The following SHANK2 variants were observed in gnomAD, a reference collection of about 807,000 sequenced individuals.
SHANK2 encodes SH3 and multiple ankyrin repeat domains 2.
SHANK2 carries 43 observed loss-of-function variants against 133.7 expected under a neutral mutation model. The ratio of observed to expected loss-of-function variants is 0.32; its 90% CI spans 0.25 to 0.41. SHANK2 has a LOEUF of 0.41. SHANK2 is among the 10% of genes least tolerant of loss of function. The pLI is 1.00. For missense variants in SHANK2, 1,994 were observed against 2,235.8 expected (o/e 0.89, Z 2.18); for synonymous variants, 1,017 against 952.8 (o/e 1.07, Z -1.24).
intron 8 of SHANK2, among the ~76,000 whole-genome samples, chr11:71,090,625 C>CTGTGTGTGTGTGTGTGTG (rs782587800): frequency 9.7e-6 from 1 of 102,896 alleles, no homozygotes; most frequent in Non-Finnish European, 2.1e-5. Flanking sequence ...AACACAACCT[C>CTGTGTGTGTGTGTGTGTG]TGTGTGTGTG....
chr11:70,539,711 C>T (rs1286466707), intron 17 of SHANK2, among the ~76,000 whole-genome samples: 8 of 152,308 alleles, frequency 5.3e-5, no homozygotes, highest in African/African-American at 1.7e-4. Flanking sequence ...ACCCTCTCCT[C>T]GTTCAGCTGG....
At chr11:71,221,424 G>A (rs1356119319) in intron 2 of SHANK2, among the ~76,000 whole-genome samples, 1 of 152,132 alleles carries the variant, frequency 6.6e-6, no homozygotes, top group Non-Finnish European at 1.5e-5. Flanking sequence ...CCTCACCCCA[G>A]TCCTTCCCTG....
chr11:70,587,428 G>A (rs766887015), intron 17 of SHANK2, among the ~76,000 whole-genome samples: 12 of 152,124 alleles, frequency 7.9e-5, no homozygotes, highest in Non-Finnish European at 1.3e-4. Flanking sequence ...GAGAGTCAGG[G>A]AAAAACGAAA....
At chr11:70,831,811 C>T (rs1948730544) in intron 11 of SHANK2, among the ~76,000 whole-genome samples, 1 of 152,270 alleles carries the variant, frequency 6.6e-6, no homozygotes, top group Admixed American at 6.5e-5. Flanking sequence ...AGACGCCCGC[C>T]TCCACTTGCT....
chr11:70,548,802 T>C (rs1166259400), intron 17 of SHANK2, among the ~76,000 whole-genome samples: 1 of 152,168 alleles, frequency 6.6e-6, no homozygotes, highest in African/African-American at 2.4e-5. Flanking sequence ...CTGGGGTACA[T>C]CCTAATCCAG....
At chr11:70,597,064 G>A (rs2060411691) in intron 17 of SHANK2, among the ~76,000 whole-genome samples, 1 of 152,114 alleles carries the variant, frequency 6.6e-6, no homozygotes, top group African/African-American at 2.4e-5. Flanking sequence ...TATGAACAAA[G>A]CTGAATAATT....
intron 5 of SHANK2, among the ~76,000 whole-genome samples, chr11:71,112,954 G>A (rs73521162): frequency 0.021 from 3,253 of 152,226 alleles, 120 homozygotes; most frequent in African/African-American, 0.075. Context: ...ACACTAATAC[G>A]GGGCTCACTG....
intron 25 of SHANK2, among the ~76,000 whole-genome samples, chr11:70,476,207 G>A (rs1232817159): frequency 6.6e-6 from 1 of 152,116 alleles, no homozygotes; most frequent in South Asian, 2.1e-4. Flanking sequence ...CAGCCTGGGC[G>A]ACTGAGCTAG....
chr11:70,556,277 G>C (rs1016922465), intron 17 of SHANK2, among the ~76,000 whole-genome samples: 1 of 152,048 alleles, frequency 6.6e-6, no homozygotes, highest in African/African-American at 2.4e-5. Context: ...CAGTTTGTTT[G>C]ACCACTCACC....
chr11:70,876,516 C>T (rs138310616), intron 11 of SHANK2, among the ~76,000 whole-genome samples: 7,700 of 151,080 alleles, frequency 0.051, 643 homozygotes, highest in African/African-American at 0.18. Context: ...GCCAAGGTCA[C>T]GCCACTGCAC....
intron 2 of SHANK2, among the ~76,000 whole-genome samples, chr11:71,177,495 A>C (rs117444198): frequency 6.6e-6 from 1 of 152,346 alleles, no homozygotes; most frequent in Non-Finnish European, 1.5e-5. Context: ...TATGCTATGA[A>C]CCCTAAGCCA....
intron 2 of SHANK2, among the ~76,000 whole-genome samples, chr11:71,158,298 T>C (rs1565485792): frequency 6.6e-6 from 1 of 152,088 alleles, no homozygotes; most frequent in Admixed American, 6.5e-5. Flanking sequence ...ATACAAAAGT[T>C]AAGTGAATTG....
At chr11:71,155,268 A>T (rs1488779927) in intron 2 of SHANK2, among the ~76,000 whole-genome samples, 1 of 48,762 alleles carries the variant, frequency 2.1e-5, no homozygotes, top group Non-Finnish European at 3.9e-5. Context: ...GACCTACCCC[A>T]GCCCACGCTC....
At chr11:70,837,989 A>AAG in intron 11 of SHANK2, among the ~76,000 whole-genome samples, 1 of 150,646 alleles carries the variant, frequency 6.6e-6, no homozygotes, top group African/African-American at 2.4e-5. Context: ...AAAAAAAAAA[A>AAG]AAAAAAAAAA....
At chr11:70,501,785 G>T in intron 20 of SHANK2, 138 bp downstream of exon 20, 1 of 849,728 alleles carries the variant, frequency 1.2e-6, no homozygotes, top group Non-Finnish European at 1.9e-6. Flanking sequence ...ACAGATCCCC[G>T]GAGGATGGAG....
chr11:70,895,229 G>A (rs1949915333), intron 11 of SHANK2, among the ~76,000 whole-genome samples: 1 of 152,212 alleles, frequency 6.6e-6, no homozygotes, highest in African/African-American at 2.4e-5. Context: ...GTAGGTACCG[G>A]CCGTGGTTGA....
At chr11:70,532,812 G>A (rs1380318263) in intron 17 of SHANK2, among the ~76,000 whole-genome samples, 1 of 152,152 alleles carries the variant, frequency 6.6e-6, no homozygotes, top group African/African-American at 2.4e-5. Context: ...GTGCGCATGA[G>A]TGTCCACAGC....
intron 3 of SHANK2, among the ~76,000 whole-genome samples, chr11:71,137,820 C>T (rs1345559909): frequency 6.6e-6 from 1 of 152,210 alleles, no homozygotes; most frequent in Non-Finnish European, 1.5e-5. Context: ...GGCACATGGA[C>T]TCCATCAACT....
At chr11:70,702,914 C>A (rs1180150110) in intron 14 of SHANK2, among the ~76,000 whole-genome samples, 4 of 152,340 alleles carry the variant, frequency 2.6e-5, no homozygotes, top group Middle Eastern at 3.4e-3. Context: ...ACAGTCCCTC[C>A]TTAAAGGGGA....
Sources: gnomAD v4.1 joint callset for allele counts (sites outside exome capture counted in the v4.1 genomes callset) on GRCh38, gnomAD v4.1.1 for gene constraint, MANE v1.5 for transcripts, NCBI Gene and HGNC (gene_info 2026-07-23, HGNC 2026-07-21) for gene names.